Variants in TBCK observed in about 807,000 individuals in gnomAD.
The protein encoded by TBCK is TBC1 domain containing kinase, also known as TBC domain-containing protein kinase-like protein.
Under a neutral mutation model 113.4 loss-of-function variants are expected in TBCK, and 99 were observed. The observed-to-expected ratio is 0.87, with a 90% CI of 0.74 to 1.03. The LOEUF (loss-of-function observed/expected upper bound fraction) is 1.03. TBCK is among the 50% of genes least tolerant of loss of function. The pLI is 0.00. For missense variants in TBCK, 1,045 were observed against 1,061.3 expected (o/e 0.98, Z 0.21); for synonymous variants, 369 against 370.8 (o/e 1.00, Z 0.05).
At chr4:106,074,389 A>C (rs1737914509) in intron 25 of TBCK, among the ~76,000 whole-genome samples, 1 of 152,262 alleles carries the variant, frequency 6.6e-6, no homozygotes, top group Non-Finnish European at 1.5e-5. Flanking sequence ...TATGTAAATA[A>C]GTACTAGAAA....
chr4:106,059,584 A>C (rs1203034771), intron 25 of TBCK, among the ~76,000 whole-genome samples: 1 of 151,688 alleles, frequency 6.6e-6, no homozygotes, highest in Non-Finnish European at 1.5e-5. Context: ...TCCACTGAAT[A>C]GCCATTTCTG....
chr4:106,281,893 G>A (rs557585252), intron 3 of TBCK, among the ~76,000 whole-genome samples: 1 of 151,966 alleles, frequency 6.6e-6, no homozygotes, highest in Non-Finnish European at 1.5e-5. Flanking sequence ...TTTCTGGTTT[G>A]GGTATCAGGG....
chr4:106,123,481 A>G (rs551622035), intron 23 of TBCK, among the ~76,000 whole-genome samples: 2 of 152,280 alleles, frequency 1.3e-5, no homozygotes, highest in African/African-American at 2.4e-5. Flanking sequence ...CCATCCCCAT[A>G]AAGCTACCAA....
At chr4:106,316,401 G>A, upstream of TBCK, 1 of 742,328 alleles carries the variant, frequency 1.3e-6, no homozygotes, top group African/African-American at 1.7e-5. Flanking sequence ...TGGAAGACGA[G>A]GAGCGTGGTA....
At chr4:106,133,199 G>A (rs1746161093) in intron 23 of TBCK, among the ~76,000 whole-genome samples, 1 of 152,038 alleles carries the variant, frequency 6.6e-6, no homozygotes, top group African/African-American at 2.4e-5. Flanking sequence ...TGAAGGGTGG[G>A]GTCAGGTGGA....
Position 106,120,784 on chromosome 4 carries a change from A to G in TBCK, c.2236-4406T>C, listed in dbSNP as rs1744239530. Reference sequence around the variant, plus strand: ...TCTGTTAGAAGGAAAACTAACAAACAGAAAGGACATCCACACCAAAAACCC... The same window carrying G: ...TCTGTTAGAAGGAAAACTAACAAACGGAAAGGACATCCACACCAAAAACCC... On this transcript the variant is annotated intron_variant, in intron 23 of 25. Coordinates refer to ENST00000394708, the MANE Select transcript of TBCK (RefSeq NM_001163435.3). 6.6e-5 allele frequency among the ~76,000 whole-genome samples: 10 copies of G among 152,348 alleles called. No homozygotes were observed. In the South Asian group the frequency reaches 2.1e-3, roughly 32 times the overall value.
chr4:106,248,414 T>C, intron 8 of TBCK, 108 bp from the exon 9 acceptor site: 6 of 793,974 alleles, frequency 7.6e-6, no homozygotes, highest in Middle Eastern at 3.5e-4. Flanking sequence ...AAAGTTTTTA[T>C]TTGTACTTTA....
chr4:106,156,033 G>A (rs950569858), intron 23 of TBCK, among the ~76,000 whole-genome samples: 23 of 152,054 alleles, frequency 1.5e-4, no homozygotes, highest in African/African-American at 4.6e-4. Flanking sequence ...TTTCCTGCAA[G>A]GCTTTTCAGG....
chr4:106,314,305 C>T (rs143490276), intron 1 of TBCK, among the ~76,000 whole-genome samples: 1 of 151,944 alleles, frequency 6.6e-6, no homozygotes, highest in Admixed American at 6.6e-5. Flanking sequence ...AAGTAGTTTA[C>T]GTATATTATT....
intron 5 of TBCK, among the ~76,000 whole-genome samples, chr4:106,255,357 C>T (rs555139763): frequency 6.6e-6 from 1 of 152,318 alleles, no homozygotes; most frequent in East Asian, 1.9e-4. Context: ...GGCCTGGATG[C>T]CACGCGGCCA....
At chr4:106,298,801 C>A (rs570209172) in intron 2 of TBCK, among the ~76,000 whole-genome samples, 14 of 152,120 alleles carry the variant, frequency 9.2e-5, no homozygotes, top group Non-Finnish European at 2.1e-4. Flanking sequence ...AAAATTATGA[C>A]CACATTGCAA....
intron 22 of TBCK, among the ~76,000 whole-genome samples, chr4:106,190,736 C>G (rs775942423): frequency 6.8e-6 from 1 of 146,800 alleles, no homozygotes; most frequent in Non-Finnish European, 1.5e-5. Flanking sequence ...AGAAGAAGAA[C>G]TTTTTTTTTT....
intron 19 of TBCK, among the ~76,000 whole-genome samples, chr4:106,220,777 T>C (rs1003753496): frequency 6.6e-6 from 1 of 152,208 alleles, no homozygotes; most frequent in African/African-American, 2.4e-5. Context: ...AGACCCAAAA[T>C]ATATCTGAAG....
intron 20 of TBCK, among the ~76,000 whole-genome samples, chr4:106,210,936 A>AT (rs1756057052): frequency 6.6e-6 from 1 of 151,966 alleles, no homozygotes; most frequent in African/African-American, 2.4e-5. Context: ...ATGTCTAAGG[A>AT]TTTTTATTGG....
At chr4:106,265,413 G>A (rs1423606366) in intron 3 of TBCK, among the ~76,000 whole-genome samples, 1 of 151,760 alleles carries the variant, frequency 6.6e-6, no homozygotes, top group Non-Finnish European at 1.5e-5. Flanking sequence ...ATTTTAAGAT[G>A]TACAATTATT....
intron 4 of TBCK, among the ~76,000 whole-genome samples, chr4:106,261,239 G>A (rs1762475509): frequency 6.6e-6 from 1 of 151,850 alleles, no homozygotes; most frequent in South Asian, 2.1e-4. Context: ...ATTCTTTACT[G>A]CCATAAATCT....
chr4:106,083,074 G>T (rs577900828), intron 25 of TBCK, among the ~76,000 whole-genome samples: 1 of 152,202 alleles, frequency 6.6e-6, no homozygotes, highest in Non-Finnish European at 1.5e-5. Flanking sequence ...TAACTCTTGC[G>T]GGGAGAGGCG....
At chr4:106,111,217 T>C (rs372238668) in intron 24 of TBCK, among the ~76,000 whole-genome samples, 1 of 152,180 alleles carries the variant, frequency 6.6e-6, no homozygotes, top group African/African-American at 2.4e-5. Flanking sequence ...GCTGACCATA[T>C]AGAACCGTCA....
At position 106,235,271 on chromosome 4, in the gene TBCK, C is replaced by G; in HGVS notation, c.1447G>C (p.Glu483Gln). 1 of 1,593,750 alleles carries G rather than the reference C, an allele frequency of 6.3e-7. No homozygotes were observed. The highest frequency in any genetic ancestry group is 8.5e-7 in the Non-Finnish European group (1 of 1,171,196). Residue 483 changes from glutamate to glutamine, a missense_variant and splice_region_variant, in exon 15 of 26, where the codon GAG (glutamate) becomes CAG (glutamine). Glu to Gln is a conservative substitution (Grantham distance 29). Transcript: ENST00000394708. ...CTAACCTTTTCTTTTTTCCTTACCTCAACTCCCAGAAGAGCAGCCCAGGTT... is the reference window on the plus strand; with the variant it reads ...CTAACCTTTTCTTTTTTCCTTACCTGAACTCCCAGAAGAGCAGCCCAGGTT... ...GLTWAALLGV[E>Q]GAIHAKYDAI...
Sources: gnomAD v4.1 joint callset for allele counts (sites outside exome capture counted in the v4.1 genomes callset) on GRCh38, gnomAD v4.1.1 for gene constraint, MANE v1.5 for transcripts, NCBI Gene and HGNC (gene_info 2026-07-23, HGNC 2026-07-21) for gene names.